The following RUNDC3B variants were observed in gnomAD, a reference collection of about 807,000 sequenced individuals.
RUNDC3B encodes RUN domain containing 3B, also known as RUN domain-containing protein 3B.
A neutral mutation model predicts 58.4 loss-of-function variants in RUNDC3B; 33 were observed. The observed-to-expected ratio is 0.56, with a 90% confidence interval of 0.43 to 0.75. RUNDC3B has a LOEUF of 0.75. Ranked by LOEUF, RUNDC3B falls within the 30% of genes least tolerant of loss-of-function variation. The pLI is 0.00. For missense variants in RUNDC3B, 501 were observed against 535.7 expected, an observed-to-expected ratio of 0.94 and a Z score of 0.64; for synonymous variants, 193 against 195.2, an observed-to-expected ratio of 0.99 and a Z score of 0.10.
At chr7:87,820,462 A>G (rs991536029) in intron 10 of RUNDC3B, among the ~76,000 whole-genome samples, 1 of 152,228 alleles carries the variant, frequency 6.6e-6, no homozygotes, top group Non-Finnish European at 1.5e-5. Context: ...CAGAGGTACA[A>G]GGAGGAACTG....
intron 1 of RUNDC3B, among the ~76,000 whole-genome samples, chr7:87,635,926 G>A (rs1226982415): frequency 6.6e-6 from 1 of 152,254 alleles, no homozygotes; most frequent in East Asian, 1.9e-4. Context: ...TGTTGCTGTA[G>A]TTTGTTCATT....
chr7:87,668,174 G>C (rs1460496819), intron 2 of RUNDC3B, among the ~76,000 whole-genome samples: 1 of 149,462 alleles, frequency 6.7e-6, no homozygotes, highest in Non-Finnish European at 1.5e-5. Context: ...GCTCATTATT[G>C]GTCTGCTCAG....
At chr7:87,729,236 A>G (rs1273333198) in intron 4 of RUNDC3B, among the ~76,000 whole-genome samples, 1 of 152,100 alleles carries the variant, frequency 6.6e-6, no homozygotes, top group Non-Finnish European at 1.5e-5. Flanking sequence ...TTGAAGAACT[A>G]TCCGAACAAA....
intron 2 of RUNDC3B, among the ~76,000 whole-genome samples, chr7:87,658,889 T>C (rs1305932883): frequency 6.6e-6 from 1 of 152,096 alleles, no homozygotes; most frequent in African/African-American, 2.4e-5. Context: ...AAGGAAATGA[T>C]AAAAGAAAGA....
intron 6 of RUNDC3B, among the ~76,000 whole-genome samples, chr7:87,764,640 G>A (rs1179652437): frequency 6.6e-6 from 1 of 151,786 alleles, no homozygotes; most frequent in Non-Finnish European, 1.5e-5. Flanking sequence ...AGAATATGTA[G>A]TATTTGATTT....
At chr7:87,813,220 C>T (rs1836819380) in intron 9 of RUNDC3B, among the ~76,000 whole-genome samples, 1 of 152,140 alleles carries the variant, frequency 6.6e-6, no homozygotes, top group South Asian at 2.1e-4. Flanking sequence ...CTAACTGTGA[C>T]AAATTAAAGG....
intron 2 of RUNDC3B, among the ~76,000 whole-genome samples, chr7:87,690,626 A>G (rs1308727884): frequency 1.3e-5 from 2 of 152,184 alleles, no homozygotes; most frequent in Non-Finnish European, 2.9e-5. Context: ...GAATTACAGT[A>G]CTGTAGCATT....
intron 8 of RUNDC3B, among the ~76,000 whole-genome samples, chr7:87,785,455 G>T (rs1301576110): frequency 6.6e-6 from 1 of 152,192 alleles, no homozygotes; most frequent in Non-Finnish European, 1.5e-5. Flanking sequence ...ACCCTGGGAG[G>T]TTGGGACTGG....
intron 8 of RUNDC3B, among the ~76,000 whole-genome samples, chr7:87,783,534 T>C (rs947836686): frequency 3.3e-5 from 5 of 152,202 alleles, no homozygotes; most frequent in African/African-American, 1.2e-4. Context: ...GATGTTTTGA[T>C]CCTATCCTGG....
At chr7:87,674,049 C>T (rs1826081641) in intron 2 of RUNDC3B, among the ~76,000 whole-genome samples, 1 of 152,178 alleles carries the variant, frequency 6.6e-6, no homozygotes, top group South Asian at 2.1e-4. Flanking sequence ...TGGCTTTGTT[C>T]TCTGGCCCCT....
chr7:87,796,746 T>A (rs1468059902), intron 8 of RUNDC3B, among the ~76,000 whole-genome samples: 1 of 152,106 alleles, frequency 6.6e-6, no homozygotes, highest in Non-Finnish European at 1.5e-5. Context: ...TGTTCCCGGA[T>A]AAATATAAGC....
In RUNDC3B at chr7:87,639,737, C is replaced by T. The variant is rs1309912474; in HGVS notation, c.122+10792C>T. Among the ~76,000 whole-genome samples, 7 of 152,110 alleles carry T rather than the reference C, an allele frequency of 4.6e-5. No individual in the cohort carries two copies. In the East Asian group the frequency reaches 1.3e-3, roughly 29 times the overall value. On this transcript the variant is annotated intron_variant, in intron 1 of 10. Transcript: ENST00000394654. The stretch of plus-strand genomic sequence containing the variant: ...CTTTTAGCTAATGTTAATATGATGT[C>T]TCTTTTTCCATCTTTTACTTTTACT...
At chr7:87,685,786 T>C (rs1454887546) in intron 2 of RUNDC3B, among the ~76,000 whole-genome samples, 2 of 152,166 alleles carry the variant, frequency 1.3e-5, no homozygotes, top group Non-Finnish European at 2.9e-5. Flanking sequence ...TCAAAACTCA[T>C]AGCAACAGCA....
Position 87,628,619 on chromosome 7 carries a change from GT to G in RUNDC3B, c.-204del. 9.1e-5 allele frequency: 28 copies of G among 306,974 alleles called. No individual in the cohort carries two copies. Among genetic ancestry groups the G allele is most frequent in the Non-Finnish European group, 1.5e-4 (26 of 171,692 alleles). 19.0% of individuals were successfully genotyped at this position (306,974 alleles called of 1,614,324 possible). On this transcript the variant is annotated 5_prime_UTR_variant, in exon 1 of 11. Coordinates refer to ENST00000394654, the MANE Select transcript of RUNDC3B (RefSeq NM_001134405.2). Reference sequence around the variant, plus strand: ...TGTGTGTGTGTGTGTGTGTGTGTGTGTGTGTGGAGCTCGGGTGCCAAGGGCG... The same window carrying G: ...TGTGTGTGTGTGTGTGTGTGTGTGTGGTGTGGAGCTCGGGTGCCAAGGGCG...
At chr7:87,641,127 C>A (rs1230558989) in intron 1 of RUNDC3B, among the ~76,000 whole-genome samples, 1 of 152,010 alleles carries the variant, frequency 6.6e-6, no homozygotes, top group African/African-American at 2.4e-5. Flanking sequence ...TAAGTTATTT[C>A]TTTAATACTT....
chr7:87,742,879 C>T (rs1051358392), intron 6 of RUNDC3B, among the ~76,000 whole-genome samples: 5 of 151,886 alleles, frequency 3.3e-5, no homozygotes, highest in Admixed American at 2.0e-4. Context: ...TTTGGGAGGC[C>T]GAGGTGGGCG....
At chr7:87,660,377 C>T (rs904336666) in intron 2 of RUNDC3B, among the ~76,000 whole-genome samples, 48 of 152,188 alleles carry the variant, frequency 3.2e-4, no homozygotes, top group Admixed American at 9.8e-4. Flanking sequence ...CATATACTCT[C>T]AATTTTTAAA....
intron 2 of RUNDC3B, among the ~76,000 whole-genome samples, chr7:87,684,672 C>A (rs1827268504): frequency 6.9e-6 from 1 of 144,036 alleles, no homozygotes. Context: ...TGCTTGAACC[C>A]AGGAGGCAGA....
intron 6 of RUNDC3B, among the ~76,000 whole-genome samples, chr7:87,749,868 T>TA (rs1832861819): frequency 1.3e-5 from 2 of 151,734 alleles, no homozygotes; most frequent in Admixed American, 6.6e-5. Context: ...TCTTTTTTTT[T>TA]AATTTATTTT....
Sources: allele counts gnomAD v4.1 joint callset (sites outside exome capture counted in the v4.1 genomes callset), GRCh38; gene constraint gnomAD v4.1.1; transcripts MANE v1.5; gene names NCBI Gene and HGNC (gene_info 2026-07-23, HGNC 2026-07-21).